Variants in DPYD observed in about 807,000 individuals in gnomAD.
The protein encoded by DPYD is dihydropyrimidine dehydrogenase [NADP(+)].
Under a neutral mutation model 116.2 loss-of-function variants are expected in DPYD, and 109 were observed. The ratio of observed to expected loss-of-function variants is 0.94; its 90% CI spans 0.80 to 1.10. The LOEUF (loss-of-function observed/expected upper bound fraction) is 1.10, where lower values mean the gene tolerates loss of function less well. Ranked by LOEUF, DPYD falls within the 50% of genes least tolerant of loss-of-function variation. The pLI is 0.00. For missense variants in DPYD, 1,302 were observed against 1,254.5 expected, an observed-to-expected ratio of 1.04 and a Z score of -0.57; for synonymous variants, 440 against 432.0, an observed-to-expected ratio of 1.02 and a Z score of -0.23.
chr1:97,493,323 A>G (rs955943310), intron 13 of DPYD, among the ~76,000 whole-genome samples: 2 of 152,218 alleles, frequency 1.3e-5, no homozygotes, highest in African/African-American at 4.8e-5. Context: ...TCATATTCAT[A>G]CCACTGTACT....
chr1:97,125,839 A>C (rs1464135587), intron 20 of DPYD, among the ~76,000 whole-genome samples: 1 of 152,062 alleles, frequency 6.6e-6, no homozygotes, highest in Non-Finnish European at 1.5e-5. Context: ...TTTTGGAATA[A>C]ATTTCTGTGG....
At chr1:97,152,439 T>TACACACACACACACAC (rs71590217) in intron 20 of DPYD, among the ~76,000 whole-genome samples, 55 of 145,344 alleles carry the variant, frequency 3.8e-4, no homozygotes, top group African/African-American at 1.3e-3. Context: ...CTGAATCACA[T>TACACACACACACACAC]ACACACACAC....
intron 11 of DPYD, among the ~76,000 whole-genome samples, chr1:97,556,141 T>A (rs1302743854): frequency 6.6e-6 from 1 of 152,162 alleles, no homozygotes; most frequent in Non-Finnish European, 1.5e-5. Flanking sequence ...AAGGCAAAGT[T>A]GTTGGACAGG....
chr1:97,871,839 T>C (rs1179092767), intron 2 of DPYD, among the ~76,000 whole-genome samples: 2 of 151,804 alleles, frequency 1.3e-5, no homozygotes, highest in South Asian at 2.1e-4. Context: ...TGTGCTTCCA[T>C]ATGTAGTAAC....
intron 18 of DPYD, among the ~76,000 whole-genome samples, chr1:97,267,878 G>A (rs12753487): frequency 0.065 from 9,873 of 151,970 alleles, 324 homozygotes; most frequent in Admixed American, 0.097. Context: ...ATTCCAGCAC[G>A]AACTCCTAAG....
At chr1:97,287,432 C>G (rs1442711284) in intron 18 of DPYD, among the ~76,000 whole-genome samples, 1 of 152,196 alleles carries the variant, frequency 6.6e-6, no homozygotes, top group Admixed American at 6.5e-5. Flanking sequence ...CAGCTGCGTG[C>G]TGGGAGAACC....
At chr1:97,420,114 C>T (rs1674502950) in intron 14 of DPYD, 1 of 152,366 alleles carries the variant, frequency 6.6e-6, no homozygotes, top group Non-Finnish European at 1.5e-5. Context: ...AAAAGGGCCA[C>T]CAGACATGAG....
intron 19 of DPYD, among the ~76,000 whole-genome samples, chr1:97,221,563 T>A (rs1245149118): frequency 1.3e-5 from 2 of 152,132 alleles, no homozygotes; most frequent in Non-Finnish European, 2.9e-5. Flanking sequence ...TGCTATGGTC[T>A]AAGAGCTCTC....
intron 8 of DPYD, among the ~76,000 whole-genome samples, chr1:97,634,389 A>G (rs1174291901): frequency 6.6e-6 from 1 of 152,134 alleles, no homozygotes; most frequent in East Asian, 1.9e-4. Context: ...CAATGCTTAA[A>G]ATGGAAACTG....
At chr1:97,645,239 G>T (rs1053836874) in intron 8 of DPYD, among the ~76,000 whole-genome samples, 8 of 152,004 alleles carry the variant, frequency 5.3e-5, no homozygotes, top group Non-Finnish European at 1.0e-4. Context: ...GGAATTGATG[G>T]TTTTATATAA....
chr1:97,441,148 A>C (rs1040539569), intron 14 of DPYD, among the ~76,000 whole-genome samples: 2 of 151,816 alleles, frequency 1.3e-5, no homozygotes, highest in Admixed American at 1.3e-4. Flanking sequence ...ATCTGATTAC[A>C]TTACTGCCTG....
At chr1:97,197,583 G>A (rs1249749161) in intron 19 of DPYD, among the ~76,000 whole-genome samples, 2 of 152,118 alleles carry the variant, frequency 1.3e-5, no homozygotes, top group East Asian at 3.9e-4. Flanking sequence ...AGATACAAAA[G>A]CTATGAGTTA....
At chr1:97,144,322 T>C (rs959687371) in intron 20 of DPYD, among the ~76,000 whole-genome samples, 2 of 152,278 alleles carry the variant, frequency 1.3e-5, no homozygotes, top group East Asian at 3.9e-4. Context: ...TAAGCTCAGA[T>C]GTAACATGAA....
intron 3 of DPYD, among the ~76,000 whole-genome samples, chr1:97,768,730 C>T (rs1665997431): frequency 6.6e-6 from 1 of 151,788 alleles, no homozygotes; most frequent in African/African-American, 2.4e-5. Context: ...GCTTCTAAAC[C>T]CAAAAATATT....
At position 97,259,107 on chromosome 1, in the gene DPYD, T is replaced by G. The variant is rs144083012; in HGVS notation, c.2300-24113A>C. The stretch of plus-strand genomic sequence containing the variant: ...ACTGGATGGAAAACAGCTGAGCTAC[T>G]TAAAAACATGAAATATAACCTATTA... On this transcript the variant is annotated intron_variant, in intron 18 of 22. Transcript: ENST00000370192. Among the ~76,000 whole-genome samples the G allele has an allele frequency of 1.0e-3, 155 of 152,198 alleles. 1 individual carries two copies. The highest frequency in any genetic ancestry group is 1.8e-3 in the Non-Finnish European group (125 of 67,998).
chr1:97,549,420 G>T lies in DPYD; in HGVS notation c.1524+140C>A, dbSNP rs1485700364. 2.9e-5 allele frequency: 29 copies of T among 995,076 alleles called. No homozygotes were observed. The East Asian group carries it at 7.1e-4, about 24-fold the overall frequency. 61.6% of individuals were successfully genotyped at this position (995,076 alleles called of 1,614,324 possible). A position where few individuals can be genotyped will look rare whatever the true frequency, so the allele number is the denominator to read the frequency against. ...CTACCTAGTCTACATTTTAAAATTT[G>T]TATCCAAGTATGTACGTGACATATT... is the stretch of plus-strand genomic sequence containing the variant. On this transcript the variant is annotated intron_variant, in intron 12 of 22. Coordinates refer to ENST00000370192, the MANE Select transcript of DPYD (RefSeq NM_000110.4).
At chr1:97,749,016 GGTAA>G (rs1664716246) in intron 3 of DPYD, among the ~76,000 whole-genome samples, 1 of 152,086 alleles carries the variant, frequency 6.6e-6, no homozygotes, top group Admixed American at 6.5e-5. Context: ...GGATGCAACT[GGTAA>G]GTATGAGAAT....
At chr1:97,512,835 T>C (rs1413355888) in intron 13 of DPYD, among the ~76,000 whole-genome samples, 1 of 151,906 alleles carries the variant, frequency 6.6e-6, no homozygotes, top group East Asian at 1.9e-4. Context: ...AATATGACTT[T>C]ACTATCTTTA....
chr1:97,115,149 C>T (rs1292585435), intron 20 of DPYD, among the ~76,000 whole-genome samples: 1 of 152,172 alleles, frequency 6.6e-6, no homozygotes, highest in Non-Finnish European at 1.5e-5. Flanking sequence ...TTCTATTACA[C>T]AGAGGACAAT....
Sources: gnomAD v4.1 joint callset for allele counts (sites outside exome capture counted in the v4.1 genomes callset) on GRCh38, gnomAD v4.1.1 for gene constraint, MANE v1.5 for transcripts, NCBI Gene and HGNC (gene_info 2026-07-23, HGNC 2026-07-21) for gene names.